The following PGAP2 variants were observed in gnomAD, a reference collection of about 807,000 sequenced individuals.
The protein encoded by PGAP2 is post-GPI attachment to proteins 2.
PGAP2 carries 21 observed loss-of-function variants against 33.2 expected under a neutral mutation model. The observed-to-expected ratio is 0.63, with a 90% confidence interval of 0.45 to 0.91. PGAP2 has a LOEUF of 0.91. PGAP2 is among the 40% of genes least tolerant of loss of function. The pLI, the probability that PGAP2 is intolerant of heterozygous loss-of-function variation, is 0.00. For synonymous variants in PGAP2, 161 were observed against 172.9 expected, an observed-to-expected ratio of 0.93 and a Z score of 0.54; for missense variants, 345 against 424.0, an observed-to-expected ratio of 0.81 and a Z score of 1.64.
intron 3 of PGAP2, chr11:3,818,075 A>AAAT: frequency 3.3e-6 from 1 of 304,518 alleles, no homozygotes; most frequent in Non-Finnish European, 6.4e-6. Context: ...AAAAAAAAAA[A>AAAT]CAGCAGGCTG....
chr11:3,821,757 CAA>C (rs111889119), intron 3 of PGAP2, among the ~76,000 whole-genome samples: 1 of 135,856 alleles, frequency 7.4e-6, no homozygotes, highest in Non-Finnish European at 1.6e-5. Context: ...GACTCCATCT[CAA>C]AAAAAAAAAA....
chr11:3,811,655 A>G lies in PGAP2; in HGVS notation c.165+231A>G, dbSNP rs575279313. Among the ~76,000 whole-genome samples the G allele has an allele frequency of 6.6e-6, 1 of 152,236 alleles. No individual in the cohort carries two copies. The highest frequency in any genetic ancestry group is 1.9e-4 in the East Asian group (1 of 5,172). ...GTAATATAGAGTCAGTAAATGAATT[A>G]CAAGTATAACAGAGTTTGACACATG... On this transcript the variant is annotated intron_variant, in intron 2 of 6. Coordinates refer to ENST00000278243, the MANE Select transcript of PGAP2 (RefSeq NM_014489.4). The surrounding 1 kb of genome is among the most constrained non-coding windows in gnomAD (Gnocchi z 4.6).
upstream of PGAP2, among the ~76,000 whole-genome samples, chr11:3,805,996 TTAAA>T (rs2084267393): frequency 2.7e-5 from 4 of 150,756 alleles, no homozygotes; most frequent in African/African-American, 7.3e-5. Flanking sequence ...AGACCTTGTT[TTAAA>T]TAAATAAATA....
chr11:3,801,531 A>G (rs572889643), intron 1 of PGAP2, among the ~76,000 whole-genome samples: 1 of 148,144 alleles, frequency 6.8e-6, no homozygotes, highest in African/African-American at 2.5e-5. Context: ...AGTCCCAGCT[A>G]TTCGGGAGGC....
At chr11:3,822,345 C>G (rs563755716) in intron 3 of PGAP2, among the ~76,000 whole-genome samples, 1 of 152,088 alleles carries the variant, frequency 6.6e-6, no homozygotes, top group African/African-American at 2.4e-5. Context: ...GCCTAGGCGA[C>G]AGTGTGAGAC....
intron 2 of PGAP2, among the ~76,000 whole-genome samples, chr11:3,812,999 C>T (rs1173553034): frequency 2.0e-5 from 3 of 152,186 alleles, no homozygotes; most frequent in Non-Finnish European, 4.4e-5. Context: ...ATCAGATATT[C>T]CTGTTACGCT....
In PGAP2 at chr11:3,825,476, G is replaced by A; in HGVS notation, c.*18G>A. On this transcript the variant is annotated 3_prime_UTR_variant, in exon 7 of 7. Coordinates refer to ENST00000278243, the MANE Select transcript of PGAP2 (RefSeq NM_014489.4). ...GATTCTGAACCCTTCAGTCCTGCTT[G>A]GGAGGACGCAGCCCACTGCCCAGAA... 1 of 1,609,254 alleles carries A rather than the reference G, an allele frequency of 6.2e-7. No homozygotes were observed. The highest frequency in any genetic ancestry group is 8.5e-7 in the Non-Finnish European group (1 of 1,178,482).
chr11:3,806,135 G>A (rs1301357893), upstream of PGAP2, among the ~76,000 whole-genome samples: 1 of 152,106 alleles, frequency 6.6e-6, no homozygotes, highest in Non-Finnish European at 1.5e-5. Context: ...GGGCATTGGG[G>A]GTAGTCTAGA....
At chr11:3,819,434 A>T (rs954727045) in intron 3 of PGAP2, among the ~76,000 whole-genome samples, 2 of 151,746 alleles carry the variant, frequency 1.3e-5, no homozygotes, top group African/African-American at 4.8e-5. Flanking sequence ...GAGTCTAGAG[A>T]GGTGTAGAAA....
chr11:3,805,789 T>A (rs1334060939), upstream of PGAP2, among the ~76,000 whole-genome samples: 1 of 151,164 alleles, frequency 6.6e-6, no homozygotes. Context: ...CAGGTTCAGG[T>A]GATTCTCCTG....
At chr11:3,798,844 T>C (rs1019203772) in intron 1 of PGAP2, among the ~76,000 whole-genome samples, 1 of 151,310 alleles carries the variant, frequency 6.6e-6, no homozygotes, top group Non-Finnish European at 1.5e-5. Flanking sequence ...GGTTTCACCA[T>C]GTTGGCCAGG....
intron 5 of PGAP2, chr11:3,824,733 C>T: frequency 8.0e-7 from 1 of 1,248,242 alleles, no homozygotes; most frequent in Non-Finnish European, 1.1e-6. Flanking sequence ...TTTTCCCCCA[C>T]AGTATTTGGA....
chr11:3,815,360 GTGC>G (rs768449872), intron 2 of PGAP2, among the ~76,000 whole-genome samples: 10 of 151,232 alleles, frequency 6.6e-5, no homozygotes, highest in Non-Finnish European at 1.5e-4. Context: ...CCAGGCTGGA[GTGC>G]AATGGCACGA....
chr11:3,819,455 C>G (rs1388985302), intron 3 of PGAP2, among the ~76,000 whole-genome samples: 1 of 151,828 alleles, frequency 6.6e-6, no homozygotes, highest in Non-Finnish European at 1.5e-5. Flanking sequence ...GTGGGATTGA[C>G]AGCAAATGGA....
intron 2 of PGAP2, among the ~76,000 whole-genome samples, chr11:3,817,096 C>G (rs192311187): frequency 6.6e-6 from 1 of 152,180 alleles, no homozygotes; most frequent in African/African-American, 2.4e-5. Flanking sequence ...CTTCTGTAGG[C>G]TCTTCAAGAG....
intron 5 of PGAP2, 50 bp from the exon 6 acceptor site, chr11:3,824,970 C>T (rs770388820): frequency 6.8e-5 from 109 of 1,610,986 alleles, no homozygotes; most frequent in Admixed American, 1.7e-4. Flanking sequence ...GGGGAGCCCA[C>T]GCTCTCATAC....
chr11:3,803,970 T>C (rs1450574477), upstream of PGAP2, among the ~76,000 whole-genome samples: 2 of 151,764 alleles, frequency 1.3e-5, no homozygotes, highest in African/African-American at 4.8e-5. Context: ...TTTGCATTTT[T>C]AGTAGAAAGA....
chr11:3,810,086 C>G (rs2085236256), intron 1 of PGAP2, among the ~76,000 whole-genome samples: 1 of 152,234 alleles, frequency 6.6e-6, no homozygotes, highest in Non-Finnish European at 1.5e-5. Context: ...ATGGCTTTCC[C>G]TTCAGCTCAG....
intron 3 of PGAP2, chr11:3,817,761 G>A: frequency 3.0e-6 from 2 of 675,152 alleles, no homozygotes; most frequent in South Asian, 3.0e-5. Flanking sequence ...AAATGCAAGG[G>A]AGATGACGGG....
Sources: gnomAD v4.1 joint callset for allele counts (sites outside exome capture counted in the v4.1 genomes callset) on GRCh38, gnomAD v4.1.1 for gene constraint, Gnocchi (gnomAD v3.1) non-coding constraint, MANE v1.5 for transcripts, NCBI Gene and HGNC (gene_info 2026-07-23, HGNC 2026-07-21) for gene names.